The following ZNF362 variants were observed in gnomAD, a reference collection of about 807,000 sequenced individuals.
ZNF362 encodes the protein zinc finger protein 362, also known as rotund homolog.
In ZNF362, 11 loss-of-function variants were observed where a neutral mutation model predicts 42.9. That is an observed-to-expected ratio of 0.26 (90% CI 0.16 to 0.42). ZNF362 has a LOEUF of 0.42. ZNF362 is among the 20% of genes least tolerant of loss of function. The pLI is 1.00. For synonymous variants in ZNF362, 255 were observed against 257.3 expected (o/e 0.99, Z 0.09); for missense variants, 362 against 576.2 (o/e 0.63, Z 3.81).
At chr1:33,268,483 A>T (rs552548562) in intron 1 of ZNF362, among the ~76,000 whole-genome samples, 23 of 152,326 alleles carry the variant, frequency 1.5e-4, no homozygotes, top group African/African-American at 5.5e-4. Flanking sequence ...CAGACAGAAC[A>T]TGGGGTGAGA....
the ZNF362 span, among the ~76,000 whole-genome samples, chr1:33,229,143 C>T: frequency 1.3e-5 from 2 of 152,090 alleles, 1 homozygote; most frequent in Non-Finnish European, 2.9e-5. Flanking sequence ...CTACTCTCCA[C>T]CCCACCCAGG....
chr1:33,166,812 C>T, the ZNF362 span, among the ~76,000 whole-genome samples: 1 of 152,192 alleles, frequency 6.6e-6, no homozygotes, highest in Non-Finnish European at 1.5e-5. Flanking sequence ...TTTCCTTTGT[C>T]TCAGGTTCCA....
At chr1:33,136,172 T>C in the ZNF362 span, among the ~76,000 whole-genome samples, 208 of 110,014 alleles carry the variant, frequency 1.9e-3, no homozygotes, top group African/African-American at 6.5e-3. Context: ...CCTTCCTTCC[T>C]TCCCTCCCTC....
chr1:33,151,740 C>T, the ZNF362 span, among the ~76,000 whole-genome samples: 3 of 152,232 alleles, frequency 2.0e-5, no homozygotes, highest in African/African-American at 7.2e-5. Flanking sequence ...ATTTAAGCAT[C>T]TCTGAGACCT....
At chr1:33,148,809 C>T in the ZNF362 span, among the ~76,000 whole-genome samples, 2 of 152,114 alleles carry the variant, frequency 1.3e-5, no homozygotes, top group Non-Finnish European at 2.9e-5. Context: ...GATTGAAAAC[C>T]ATGAATTCTA....
At chr1:33,138,626 C>CAAAAAAAA in the ZNF362 span, among the ~76,000 whole-genome samples, 15 of 66,060 alleles carry the variant, frequency 2.3e-4, no homozygotes, top group African/African-American at 4.7e-4. Context: ...ACAACAACAA[C>CAAAAAAAA]AAAAAAAAAA....
At chr1:33,233,369 C>G in the ZNF362 span, among the ~76,000 whole-genome samples, 57 of 152,214 alleles carry the variant, frequency 3.7e-4, no homozygotes, top group African/African-American at 1.3e-3. Flanking sequence ...TGCATGCCTG[C>G]AATGCCCTGC....
chr1:33,181,135 T>A, the ZNF362 span: 5 of 1,600,860 alleles, frequency 3.1e-6, no homozygotes, highest in Non-Finnish European at 4.2e-6. The surrounding 1 kb of genome is among the most constrained non-coding windows in gnomAD (Gnocchi z 6.5). Flanking sequence ...CAGAAGAGCT[T>A]GACCTTGTCG....
At chr1:33,175,181 G>A in the ZNF362 span, among the ~76,000 whole-genome samples, 1 of 151,370 alleles carries the variant, frequency 6.6e-6, no homozygotes, top group African/African-American at 2.4e-5. Context: ...TGGGATTATA[G>A]GTGTGTGCCA....
At chr1:33,279,173 C>T (rs959834762) in intron 4 of ZNF362, among the ~76,000 whole-genome samples, 6 of 152,082 alleles carry the variant, frequency 3.9e-5, no homozygotes, top group South Asian at 2.1e-4. Context: ...TACAGGCACA[C>T]GCCACCACAC....
the ZNF362 span, among the ~76,000 whole-genome samples, chr1:33,214,031 G>T: frequency 1.3e-5 from 2 of 152,006 alleles, no homozygotes; most frequent in African/African-American, 2.4e-5. Flanking sequence ...GGGAAAAAAA[G>T]AATAGAATTA....
At chr1:33,155,116 G>A in the ZNF362 span, among the ~76,000 whole-genome samples, 1 of 145,544 alleles carries the variant, frequency 6.9e-6, no homozygotes, top group Non-Finnish European at 1.5e-5. Context: ...CTGTCGCCCA[G>A]GCTGTAGTGC....
the ZNF362 span, among the ~76,000 whole-genome samples, chr1:33,231,664 A>G: frequency 6.6e-6 from 1 of 152,206 alleles, no homozygotes; most frequent in African/African-American, 2.4e-5. Flanking sequence ...GAGTGAGGTC[A>G]GTAAGGGCAG....
chr1:33,153,609 T>C, the ZNF362 span, among the ~76,000 whole-genome samples: 3 of 152,212 alleles, frequency 2.0e-5, no homozygotes, highest in Non-Finnish European at 4.4e-5. Flanking sequence ...TGAGAAACCC[T>C]GCACTGGGGT....
chr1:33,250,861 A>AGAAGAG, the ZNF362 span, among the ~76,000 whole-genome samples: 1 of 145,686 alleles, frequency 6.9e-6, no homozygotes, highest in Non-Finnish European at 1.5e-5. Context: ...AGGAAGAAGA[A>AGAAGAG]GAAGAAGAAG....
At chr1:33,183,626 G>A in the ZNF362 span, among the ~76,000 whole-genome samples, 1,818 of 152,272 alleles carry the variant, frequency 0.012, 41 homozygotes, top group African/African-American at 0.042. Flanking sequence ...TGCCAGTGAC[G>A]GTTTGGGCAG....
chr1:33,193,906 G>C, the ZNF362 span, among the ~76,000 whole-genome samples: 5 of 152,200 alleles, frequency 3.3e-5, no homozygotes, highest in African/African-American at 7.2e-5. Context: ...AACTGCACTT[G>C]TGTGGCTGAA....
chr1:33,132,966 T>C, the ZNF362 span, among the ~76,000 whole-genome samples: 1 of 152,362 alleles, frequency 6.6e-6, no homozygotes, highest in East Asian at 1.9e-4. Flanking sequence ...CTGCAAGCCC[T>C]GGATAATGTG....
At chr1:33,152,232 C>T in the ZNF362 span, among the ~76,000 whole-genome samples, 5 of 152,200 alleles carry the variant, frequency 3.3e-5, no homozygotes, top group Non-Finnish European at 7.3e-5. Flanking sequence ...CTTTTCACAT[C>T]ATGCTCTTCC....
Sources: gnomAD v4.1 joint callset for allele counts (sites outside exome capture counted in the v4.1 genomes callset) on GRCh38, gnomAD v4.1.1 for gene constraint, Gnocchi (gnomAD v3.1) non-coding constraint, MANE v1.5 for transcripts, NCBI Gene and HGNC (gene_info 2026-07-23, HGNC 2026-07-21) for gene names.